SUSD2: variants seen among roughly 807,000 people sequenced by gnomAD.
The protein encoded by SUSD2 is sushi domain-containing protein 2.
A neutral mutation model predicts 93.8 loss-of-function variants in SUSD2; 86 were observed. The ratio of observed to expected loss-of-function variants is 0.92; its 90% CI spans 0.77 to 1.10. The LOEUF (loss-of-function observed/expected upper bound fraction) is 1.10, where lower values mean the gene tolerates loss of function less well. Among genes scored for constraint, SUSD2 ranks in the 50% least tolerant of loss-of-function variants. The pLI, the probability that SUSD2 is intolerant of heterozygous loss-of-function variation, is 0.00. For missense variants in SUSD2, 1,060 were observed against 1,137.0 expected (o/e 0.93, Z 0.97); for synonymous variants, 483 against 485.0 (o/e 1.00, Z 0.05).
chr22:24,186,852 A>C, intron 10 of SUSD2: 2 of 422,392 alleles, frequency 4.7e-6, no homozygotes, highest in Non-Finnish European at 8.7e-6. Flanking sequence ...CCTGGTTGGG[A>C]TGGGTGAGGA....
intron 1 of SUSD2, among the ~76,000 whole-genome samples, chr22:24,182,226 A>G (rs995103178): frequency 7.2e-5 from 11 of 152,266 alleles, no homozygotes; most frequent in Middle Eastern, 3.4e-3. Flanking sequence ...GGGAAGTGCA[A>G]TTCCAGCCTG....
intron 10 of SUSD2, 128 bp downstream of exon 10, chr22:24,186,543 C>A: frequency 8.5e-7 from 1 of 1,175,868 alleles, no homozygotes; most frequent in Non-Finnish European, 1.2e-6. Flanking sequence ...GGTGGTCCGA[C>A]CTCAGGCCTT....
Position 24,186,272 on chromosome 22 carries a change from G to C in SUSD2, c.1499G>C (p.Gly500Ala), listed in dbSNP as rs1317873471. The C allele has an allele frequency of 6.2e-7, 1 of 1,613,434 alleles. No homozygotes were observed. Among genetic ancestry groups the C allele is most frequent in the Non-Finnish European group, 8.5e-7 (1 of 1,179,998 alleles). ...ACCACCGCAGGCACGGAGACCCGTG[G>C]CACTGGGCTGACCGCAGTGGCCGTC... ...GTMSNGTETR[G>A]TGLTAVAVQE... The change falls in exon 10 of 15, where the codon GGC becomes GCC. Residue 500 changes from glycine to alanine, a missense_variant. Coordinates refer to ENST00000358321, the MANE Select transcript of SUSD2 (RefSeq NM_019601.4).
chr22:24,185,512 G>T lies in SUSD2; in HGVS notation c.1011G>T (p.Gln337His). 7.0e-6 allele frequency: 11 copies of T among 1,573,400 alleles called. No individual in the cohort carries two copies. Among genetic ancestry groups the T allele is most frequent in the Non-Finnish European group, 9.5e-6 (11 of 1,159,374 alleles). ...CGGACTACGGCTGTGACATGGAGCA[G>T]GGCAGCGTGTGCACCTACCACCCCG... ...FFTDYGCDMEQGSVCTYHPGA... is the reference protein window; with the variant it reads ...FFTDYGCDMEHGSVCTYHPGA... The change falls in exon 7 of 15, where the codon CAG becomes CAT. Residue 337 changes from glutamine (Q) to histidine (H), a missense_variant. By Grantham distance (24) the Gln-to-His change is conservative. Around this residue, in one of 2 missense-constraint regions of SUSD2, gnomAD observed 973 missense variants for 1,005.3 expected, o/e 0.97. Transcript: ENST00000358321.
chr22:24,183,023 C>T (rs377125727), intron 1 of SUSD2, 34 bp from the exon 2 acceptor site: 10 of 1,596,570 alleles, frequency 6.3e-6, no homozygotes, highest in African/African-American at 4.0e-5. Context: ...GTCCAGTACC[C>T]GCCGGGCCAG....
chr22:24,181,630 CTG>C, intron 1 of SUSD2, 35 bp downstream of exon 1: 2 of 1,495,994 alleles, frequency 1.3e-6, no homozygotes, highest in Non-Finnish European at 1.8e-6. Context: ...CCCCGTCTGT[CTG>C]TCCATCTGTC....
intron 10 of SUSD2, chr22:24,186,832 T>C (rs1298533157): frequency 2.4e-6 from 1 of 410,740 alleles, no homozygotes; most frequent in East Asian, 4.6e-5. Context: ...ACTGAGTCAA[T>C]GAAAGGATTC....
chr22:24,185,533 C>A lies in SUSD2; in HGVS notation c.1032C>A (p.His344Gln). The A allele has an allele frequency of 6.3e-7, 1 of 1,582,792 alleles. No individual in the cohort carries two copies. Among genetic ancestry groups the A allele is most frequent in the East Asian group, 2.3e-5 (1 of 43,302 alleles). The part of the protein sequence containing the change: ...DMEQGSVCTY[H>Q]PGAVHCVRSV... ...AGCAGGGCAGCGTGTGCACCTACCA[C>A]CCCGGGGCCGTGCACTGTGTGCGTT... Residue 344 changes from histidine (H) to glutamine (Q), a missense_variant, in exon 7 of 15, where the codon CAC becomes CAA. His to Gln is a conservative substitution (Grantham distance 24). This residue lies in a region of SUSD2 where 973 missense variants were observed against 1,005.3 expected (regional missense o/e 0.97). Coordinates refer to ENST00000358321, the MANE Select transcript of SUSD2 (RefSeq NM_019601.4).
intron 3 of SUSD2, 142 bp from the exon 4 acceptor site, chr22:24,183,994 C>A: frequency 1.2e-6 from 1 of 823,396 alleles, no homozygotes; most frequent in Non-Finnish European, 1.9e-6. Context: ...GCGTCCTTTT[C>A]TGCTGTGCGG....
rs565168206 is a variant in SUSD2, at chr22:24,184,042, G to C, written c.440-94G>C. On this transcript the variant is annotated intron_variant, in intron 3 of 14. Transcript: ENST00000358321. ...ATCACCCAGCTGCTGCCATGCATTGGCCCTGGAGGCTCCCACAGCCCTTGA... is the reference window on the plus strand; with the variant it reads ...ATCACCCAGCTGCTGCCATGCATTGCCCCTGGAGGCTCCCACAGCCCTTGA... 98 of 1,261,008 alleles carry C rather than the reference G, an allele frequency of 7.8e-5. 1 individual carries two copies. The South Asian group carries it at 9.6e-4, about 12-fold the overall frequency. 78.1% of individuals were successfully genotyped at this position (1,261,008 alleles called of 1,614,324 possible).
In SUSD2 at chr22:24,187,333, A is replaced by G. The variant is rs977064392; in HGVS notation, c.1774A>G (p.Thr592Ala). The change falls in exon 11 of 15, where the codon ACC becomes GCC. Residue 592 changes from threonine (T) to alanine (A), a missense_variant. Thr to Ala is a moderately conservative substitution (Grantham distance 58). This residue lies in a region of SUSD2 where 973 missense variants were observed against 1,005.3 expected (regional missense o/e 0.97). Coordinates refer to ENST00000358321, the MANE Select transcript of SUSD2 (RefSeq NM_019601.4). Reference protein sequence around the residue: ...VLLPEKFLTHTHGLLGTLNND... With the variant: ...VLLPEKFLTHAHGLLGTLNND... ...GCTGCCTGAGAAGTTCCTCACCCAC[A>G]CCCACGGCCTCCTCGGGACACTCAA... 6.2e-7 allele frequency: 1 copy of G among 1,612,964 alleles called. No individual in the cohort carries two copies. The highest frequency in any genetic ancestry group is 1.3e-5 in the African/African-American group (1 of 74,512).
Position 24,188,152 on chromosome 22 carries a change from C to T in SUSD2, c.2341+17C>T, listed in dbSNP as rs751164634. The T allele has an allele frequency of 6.8e-6, 11 of 1,608,056 alleles. No homozygotes were observed. The highest frequency in any genetic ancestry group is 2.2e-5 in the East Asian group (1 of 44,758). The stretch of plus-strand genomic sequence containing the variant: ...GCCAGCCAGGTGAGGACACTCTGCT[C>T]ATACACCTGCCTGCACCTGTCCCCA... On this transcript the variant is annotated intron_variant, in intron 13 of 14. Transcript: ENST00000358321. The surrounding 1 kb of genome is among the most constrained non-coding windows in gnomAD (Gnocchi z 4.7).
rs2047365631 is a variant in SUSD2, at chr22:24,186,248, C to A, written c.1484-9C>A. 1 of 1,612,672 alleles carries A rather than the reference C, an allele frequency of 6.2e-7. No homozygotes were observed. Among genetic ancestry groups the A allele is most frequent in the Non-Finnish European group, 8.5e-7 (1 of 1,179,742 alleles). ...CCAAGTGGCTCCCGTTCTGCTCCCA[C>A]CACCGCAGGCACGGAGACCCGTGGC... On this transcript the variant is annotated splice_polypyrimidine_tract_variant and intron_variant, in intron 9 of 14. Coordinates refer to ENST00000358321, the MANE Select transcript of SUSD2 (RefSeq NM_019601.4).
chr22:24,187,231 A>G lies in SUSD2; in HGVS notation c.1672A>G (p.Arg558Gly), dbSNP rs1156588516. The stretch of plus-strand genomic sequence containing the variant: ...GTTCCTGTCGGTGGCTGCCGGGGAC[A>G]GGGTCTCCATCATGCTGGCATCAGG... Reference protein sequence around the residue: ...GMFLSVAAGDRVSIMLASGAG... With the variant: ...GMFLSVAAGDGVSIMLASGAG... Residue 558 changes from arginine (R) to glycine (G), a missense_variant, in exon 11 of 15, where the codon AGG becomes GGG. Coordinates refer to ENST00000358321, the MANE Select transcript of SUSD2 (RefSeq NM_019601.4). 6.2e-7 allele frequency: 1 copy of G among 1,613,046 alleles called. No homozygotes were observed. Among genetic ancestry groups the G allele is most frequent in the Non-Finnish European group, 8.5e-7 (1 of 1,179,894 alleles).
chr22:24,187,031 G>A lies in SUSD2; in HGVS notation c.1643-171G>A, dbSNP rs531731920. 353 of 777,668 alleles carry A rather than the reference G, an allele frequency of 4.5e-4. 5 individuals carry two copies. In the South Asian group the frequency reaches 6.0e-3, roughly 13 times the overall value. 48.2% of individuals were successfully genotyped at this position (777,668 alleles called of 1,614,324 possible). A position where few individuals can be genotyped will look rare whatever the true frequency, so the allele number is the denominator to read the frequency against. On this transcript the variant is annotated intron_variant, in intron 10 of 14. Coordinates refer to ENST00000358321, the MANE Select transcript of SUSD2 (RefSeq NM_019601.4). ...CGCTGGGAGTTCCACCGCAAGCATG[G>A]CAGGGGTGGCGGAGGGTCATGGTCA...
chr22:24,187,173 T>A, intron 10 of SUSD2, 29 bp from the exon 11 acceptor site: 1 of 1,600,998 alleles, frequency 6.2e-7, no homozygotes, highest in East Asian at 2.2e-5. Context: ...TCACAGCGGG[T>A]GACCCTAATG....
chr22:24,186,506 C>T, intron 10 of SUSD2, 91 bp downstream of exon 10: 1 of 1,482,610 alleles, frequency 6.7e-7, no homozygotes, highest in Non-Finnish European at 9.1e-7. Context: ...GGCCTTCATG[C>T]CTCTCCCAGT....
chr22:24,183,459 A>G, intron 2 of SUSD2, 36 bp from the exon 3 acceptor site: 1 of 1,594,144 alleles, frequency 6.3e-7, no homozygotes, highest in South Asian at 1.1e-5. Context: ...TCAGCCTGCA[A>G]TGACCCAGCC....
intron 4 of SUSD2, among the ~76,000 whole-genome samples, chr22:24,184,528 C>A (rs1158301031): frequency 6.6e-6 from 1 of 152,004 alleles, no homozygotes; most frequent in Non-Finnish European, 1.5e-5. Flanking sequence ...GGGGAGGAGG[C>A]TCATGAGGAA....
Sources: gnomAD v4.1 joint callset for allele counts (sites outside exome capture counted in the v4.1 genomes callset) on GRCh38, gnomAD v4.1.1 for gene constraint, gnomAD v4.1.1 regional missense constraint, Gnocchi (gnomAD v3.1) non-coding constraint, MANE v1.5 for transcripts, NCBI Gene and HGNC (gene_info 2026-07-23, HGNC 2026-07-21) for gene names.